Variants in ITGB6 observed in about 807,000 individuals in gnomAD.
ITGB6 encodes integrin subunit beta 6.
ITGB6 carries 80 observed loss-of-function variants against 84.5 expected under a neutral mutation model. That is an observed-to-expected ratio of 0.95 (90% CI 0.79 to 1.14). The LOEUF (loss-of-function observed/expected upper bound fraction) is 1.14. Among genes scored for constraint, ITGB6 ranks in the 50% most tolerant of loss-of-function variants. ITGB6 has a pLI of 0.00. For missense variants in ITGB6, 1,006 were observed against 968.0 expected, an observed-to-expected ratio of 1.04 and a Z score of -0.52; for synonymous variants, 383 against 354.9, an observed-to-expected ratio of 1.08 and a Z score of -0.89.
chr2:160,119,246 T>C (rs1042208124), intron 12 of ITGB6, among the ~76,000 whole-genome samples: 1 of 152,178 alleles, frequency 6.6e-6, no homozygotes, highest in Non-Finnish European at 1.5e-5. Context: ...AGAGGCATCA[T>C]GCTACCTGAC....
At position 160,195,549 on chromosome 2, in the gene ITGB6, A is replaced by G. The variant is rs758685362; in HGVS notation, c.413T>C (p.Leu138Pro). ...ATCCATGGAGGCGGAGAGGTCCATG[A>G]GGTAATACAAATCCACCGGGTAGTC... Reference protein sequence around the residue: ...TEDYPVDLYYLMDLSASMDDD... With the variant: ...TEDYPVDLYYPMDLSASMDDD... The change falls in exon 4 of 15, where the codon CTC becomes CCC. Residue 138 changes from leucine to proline, a missense_variant. Coordinates refer to ENST00000283249, the MANE Select transcript of ITGB6 (RefSeq NM_000888.5). The G allele has an allele frequency of 4.3e-6, 7 of 1,614,134 alleles. No homozygotes were observed. The South Asian group carries it at 4.4e-5, about 10-fold the overall frequency.
chr2:160,124,958 C>T (rs541352212), intron 11 of ITGB6, among the ~76,000 whole-genome samples: 55 of 152,174 alleles, frequency 3.6e-4, no homozygotes, highest in Non-Finnish European at 6.9e-4. Flanking sequence ...TTGAAGGGGT[C>T]TGGTGATTGT....
chr2:160,127,834 A>G (rs972059028), intron 10 of ITGB6, among the ~76,000 whole-genome samples: 1 of 152,210 alleles, frequency 6.6e-6, no homozygotes, highest in Non-Finnish European at 1.5e-5. Context: ...GCCATATGAT[A>G]ATGATGCAAG....
At chr2:160,125,230 G>A (rs1329334568) in intron 11 of ITGB6, among the ~76,000 whole-genome samples, 4 of 152,146 alleles carry the variant, frequency 2.6e-5, no homozygotes, top group Non-Finnish European at 5.9e-5. Flanking sequence ...CATATAGTAG[G>A]CACTTAATAC....
intron 12 of ITGB6, among the ~76,000 whole-genome samples, chr2:160,122,122 C>T (rs2084825531): frequency 6.6e-6 from 1 of 152,014 alleles, no homozygotes; most frequent in African/African-American, 2.4e-5. Flanking sequence ...TCAAATTCAT[C>T]CAGATTAGTG....
At chr2:160,174,683 T>C (rs1685347501) in intron 4 of ITGB6, among the ~76,000 whole-genome samples, 1 of 152,156 alleles carries the variant, frequency 6.6e-6, no homozygotes, top group Admixed American at 6.5e-5. Flanking sequence ...AGTCTAGAAA[T>C]AAAACCACTA....
intron 7 of ITGB6, among the ~76,000 whole-genome samples, chr2:160,164,256 A>C (rs1414481035): frequency 6.6e-6 from 1 of 152,244 alleles, no homozygotes; most frequent in Non-Finnish European, 1.5e-5. Flanking sequence ...GGCATAGTTC[A>C]CAGGAGGTAC....
At chr2:160,137,016 C>T (rs1429471255) in intron 10 of ITGB6, among the ~76,000 whole-genome samples, 10 of 146,964 alleles carry the variant, frequency 6.8e-5, no homozygotes, top group Admixed American at 5.5e-4. Context: ...CAAACCTGCA[C>T]ATTGTGCACA....
chr2:160,160,390 A>G (rs1010567937), intron 7 of ITGB6, among the ~76,000 whole-genome samples: 3 of 152,224 alleles, frequency 2.0e-5, no homozygotes, highest in African/African-American at 7.2e-5. Context: ...TATGTGCTGA[A>G]TCTGAAAACT....
At chr2:160,165,845 AGC>A (rs888730698) in intron 7 of ITGB6, among the ~76,000 whole-genome samples, 3 of 152,182 alleles carry the variant, frequency 2.0e-5, no homozygotes, top group African/African-American at 7.2e-5. Flanking sequence ...AAGAAGGGAC[AGC>A]CAGGGCTGCA....
At chr2:160,181,402 C>T (rs6759741) in intron 4 of ITGB6, among the ~76,000 whole-genome samples, 1,647 of 152,358 alleles carry the variant, frequency 0.011, 32 homozygotes, top group African/African-American at 0.038. Flanking sequence ...CTCACCGCAG[C>T]TCGGCAAAGC....
chr2:160,108,091 G>T (rs1480274212), intron 13 of ITGB6, among the ~76,000 whole-genome samples: 3 of 152,138 alleles, frequency 2.0e-5, no homozygotes, highest in Non-Finnish European at 4.4e-5. Context: ...CTTGATGGTT[G>T]ACTCTAAAAG....
At chr2:160,130,041 T>C (rs532819132) in intron 10 of ITGB6, among the ~76,000 whole-genome samples, 1 of 152,172 alleles carries the variant, frequency 6.6e-6, no homozygotes, top group East Asian at 1.9e-4. Context: ...GTAAACACCA[T>C]AGAGTATATG....
At chr2:160,148,264 T>C (rs1238304317) in intron 7 of ITGB6, among the ~76,000 whole-genome samples, 1 of 152,244 alleles carries the variant, frequency 6.6e-6, no homozygotes, top group Non-Finnish European at 1.5e-5. Context: ...AATACCTTTA[T>C]GCATGTATTA....
intron 7 of ITGB6, among the ~76,000 whole-genome samples, chr2:160,161,239 T>A (rs762050980): frequency 6.6e-6 from 1 of 152,172 alleles, no homozygotes; most frequent in African/African-American, 2.4e-5. Flanking sequence ...GTTACTCTCA[T>A]CAATAAAAAT....
intron 4 of ITGB6, among the ~76,000 whole-genome samples, chr2:160,180,059 G>A (rs1359685772): frequency 4.7e-5 from 7 of 147,464 alleles, no homozygotes; most frequent in Admixed American, 3.4e-4. Flanking sequence ...GTTGCAATGA[G>A]CCAAGATCAT....
At chr2:160,123,026 G>C (rs921737997) in intron 12 of ITGB6, among the ~76,000 whole-genome samples, 12 of 152,136 alleles carry the variant, frequency 7.9e-5, no homozygotes, top group African/African-American at 2.9e-4. Context: ...AATTCTCCCA[G>C]GTTGTCTCTG....
rs1683778920 is a variant in ITGB6, at chr2:160,137,308, A to G, written c.1660+126T>C. The G allele has an allele frequency of 3.5e-6, 3 of 867,974 alleles. No individual in the cohort carries two copies. In the South Asian group the frequency reaches 5.1e-5, roughly 15 times the overall value. 53.8% of individuals were successfully genotyped at this position (867,974 alleles called of 1,614,324 possible). On this transcript the variant is annotated intron_variant, in intron 10 of 14. Coordinates refer to ENST00000283249, the MANE Select transcript of ITGB6 (RefSeq NM_000888.5). ...GAGAAGATTCAGTTACCCTAGGTCT[A>G]AGGCTGATCAGCAAATATTTATTGA... is the stretch of plus-strand genomic sequence containing the variant.
At chr2:160,134,882 T>A (rs949084673) in intron 10 of ITGB6, among the ~76,000 whole-genome samples, 3 of 152,088 alleles carry the variant, frequency 2.0e-5, no homozygotes, top group African/African-American at 7.2e-5. Flanking sequence ...TCTCAATAAA[T>A]TAGGTATTGA....
Sources: gnomAD v4.1 joint callset for allele counts (sites outside exome capture counted in the v4.1 genomes callset) on GRCh38, gnomAD v4.1.1 for gene constraint, MANE v1.5 for transcripts, NCBI Gene and HGNC (gene_info 2026-07-23, HGNC 2026-07-21) for gene names.